The following CNTN5 variants were observed in gnomAD, a reference collection of about 807,000 sequenced individuals.
CNTN5 encodes the protein contactin 5.
In CNTN5, 77 loss-of-function variants were observed where a neutral mutation model predicts 129.1. The observed-to-expected ratio is 0.60, with a 90% CI of 0.50 to 0.72. The LOEUF is 0.72. Among genes scored for constraint, CNTN5 ranks in the 30% least tolerant of loss-of-function variants. CNTN5 has a pLI of 0.00. For synonymous variants in CNTN5, 509 were observed against 465.6 expected, an observed-to-expected ratio of 1.09 and a Z score of -1.20; for missense variants, 1,478 against 1,328.8, an observed-to-expected ratio of 1.11 and a Z score of -1.75.
At chr11:100,276,301 A>T (rs1043540962) in intron 18 of CNTN5, among the ~76,000 whole-genome samples, 4 of 152,094 alleles carry the variant, frequency 2.6e-5, no homozygotes, top group African/African-American at 9.7e-5. Context: ...GCACTTTGGG[A>T]CGCTGAAGCA....
chr11:99,368,242 T>C (rs1245714724), intron 2 of CNTN5, among the ~76,000 whole-genome samples: 1 of 151,978 alleles, frequency 6.6e-6, no homozygotes, highest in Non-Finnish European at 1.5e-5. Context: ...ATTTAATTTT[T>C]ATTAGGTTAT....
intron 2 of CNTN5, among the ~76,000 whole-genome samples, chr11:99,427,891 CA>C (rs1943201985): frequency 1.3e-5 from 2 of 149,828 alleles, no homozygotes; most frequent in Admixed American, 6.7e-5. Flanking sequence ...TTTTTAATAT[CA>C]AACCCAATCT....
At chr11:99,714,774 C>G (rs912833620) in intron 3 of CNTN5, among the ~76,000 whole-genome samples, 5 of 151,194 alleles carry the variant, frequency 3.3e-5, no homozygotes, top group Non-Finnish European at 7.4e-5. Flanking sequence ...AAGGGATTAT[C>G]ATTTGTTTGA....
At chr11:99,840,421 A>T (rs1431114867) in intron 4 of CNTN5, among the ~76,000 whole-genome samples, 1 of 152,142 alleles carries the variant, frequency 6.6e-6, no homozygotes, top group Admixed American at 6.5e-5. Flanking sequence ...ATGCTTATCA[A>T]ACAATTGAGA....
intron 3 of CNTN5, among the ~76,000 whole-genome samples, chr11:99,816,016 GCCCTTCA>G (rs1946574875): frequency 6.6e-6 from 1 of 151,974 alleles, no homozygotes; most frequent in Non-Finnish European, 1.5e-5. Context: ...CAACTACACT[GCCCTTCA>G]CCATCAATTA....
intron 13 of CNTN5, among the ~76,000 whole-genome samples, chr11:100,136,899 C>A (rs2138235035): frequency 6.6e-6 from 1 of 151,700 alleles, no homozygotes; most frequent in East Asian, 1.9e-4. Context: ...CAAGAAAAGT[C>A]TATGGTAATG....
At chr11:99,330,280 G>C (rs1009462222) in intron 2 of CNTN5, among the ~76,000 whole-genome samples, 1 of 151,236 alleles carries the variant, frequency 6.6e-6, no homozygotes, top group Non-Finnish European at 1.5e-5. Context: ...TAAGGGGGAA[G>C]AGCGGGAAGG....
chr11:100,133,685 G>A (rs562572078), intron 13 of CNTN5, among the ~76,000 whole-genome samples: 1 of 152,118 alleles, frequency 6.6e-6, no homozygotes, highest in East Asian at 1.9e-4. Context: ...TTATTGAGCT[G>A]CTCTCTGTTC....
chr11:100,302,691 A>G (rs1159722589), intron 20 of CNTN5, among the ~76,000 whole-genome samples: 1 of 151,480 alleles, frequency 6.6e-6, no homozygotes, highest in East Asian at 1.9e-4. Context: ...AAAAACTTAC[A>G]AGGCACACCT....
intron 3 of CNTN5, among the ~76,000 whole-genome samples, chr11:99,778,186 A>T (rs1224430879): frequency 6.6e-6 from 1 of 151,718 alleles, no homozygotes; most frequent in African/African-American, 2.4e-5. Flanking sequence ...AAAGGCAAAA[A>T]CTTTGTGATG....
At chr11:99,154,375 G>A (rs1054880522) in intron 1 of CNTN5, among the ~76,000 whole-genome samples, 8 of 152,206 alleles carry the variant, frequency 5.3e-5, no homozygotes, top group Non-Finnish European at 1.0e-4. Context: ...CACATTGGCA[G>A]CAGTGGCAGC....
At chr11:99,189,959 T>A (rs987193817) in intron 1 of CNTN5, among the ~76,000 whole-genome samples, 1 of 151,712 alleles carries the variant, frequency 6.6e-6, no homozygotes, top group Non-Finnish European at 1.5e-5. Context: ...GCTTTTTTAT[T>A]CCTATCCAAA....
intron 13 of CNTN5, among the ~76,000 whole-genome samples, chr11:100,078,008 G>A (rs1944209961): frequency 6.6e-6 from 1 of 151,932 alleles, no homozygotes; most frequent in Admixed American, 6.6e-5. Context: ...AATCTCAAAG[G>A]TAAATTTAAT....
intron 3 of CNTN5, among the ~76,000 whole-genome samples, chr11:99,700,932 A>G (rs594759): frequency 0.47 from 70,779 of 150,996 alleles, 16,921 homozygotes; most frequent in Middle Eastern, 0.54. Flanking sequence ...ATCTTGGCAG[A>G]AAGGGAAGAA....
rs143283639 is a variant in CNTN5 at position 99,770,263 on chromosome 11, T to G, written c.56-49281T>G. Among the ~76,000 whole-genome samples the G allele has an allele frequency of 9.4e-4, 143 of 152,236 alleles. 1 individual carries two copies. Among genetic ancestry groups the G allele is most frequent in the African/African-American group, 3.2e-3 (131 of 41,574 alleles). ...AGTTTTTAAAAAATATAAAAACATTTACATGGTTCACAAGTCAAAACTATA... is the reference window on the plus strand; with the variant it reads ...AGTTTTTAAAAAATATAAAAACATTGACATGGTTCACAAGTCAAAACTATA... On this transcript the variant is annotated intron_variant, in intron 3 of 24. Coordinates refer to ENST00000524871, the MANE Select transcript of CNTN5 (RefSeq NM_014361.4).
chr11:99,888,860 AG>A (rs1393765107), intron 6 of CNTN5, among the ~76,000 whole-genome samples: 1 of 152,260 alleles, frequency 6.6e-6, no homozygotes, highest in Non-Finnish European at 1.5e-5. Context: ...TGCGTGACGC[AG>A]GGCAAATTTA....
intron 3 of CNTN5, among the ~76,000 whole-genome samples, chr11:99,750,175 C>T (rs916099320): frequency 6.6e-6 from 1 of 152,096 alleles, no homozygotes; most frequent in Admixed American, 6.5e-5. Flanking sequence ...ATTAAATCTC[C>T]ATATTATGTG....
chr11:99,681,953 C>G (rs1313769436), intron 3 of CNTN5, among the ~76,000 whole-genome samples: 1 of 151,940 alleles, frequency 6.6e-6, no homozygotes, highest in African/African-American at 2.4e-5. Context: ...TCAGGAATAA[C>G]TCACAAAGCA....
intron 13 of CNTN5, among the ~76,000 whole-genome samples, chr11:100,081,971 A>G (rs1232880076): frequency 1.3e-5 from 2 of 152,226 alleles, no homozygotes; most frequent in Non-Finnish European, 2.9e-5. Context: ...TGGCAAAAAT[A>G]GGCCTATAGA....
Sources: allele counts gnomAD v4.1 joint callset (sites outside exome capture counted in the v4.1 genomes callset), GRCh38; gene constraint gnomAD v4.1.1; transcripts MANE v1.5; gene names NCBI Gene and HGNC (gene_info 2026-07-23, HGNC 2026-07-21).